SLC22A14: variants seen among roughly 807,000 people sequenced by gnomAD.
SLC22A14 encodes the protein organic cation transporter-like 4.
A neutral mutation model predicts 53.9 loss-of-function variants in SLC22A14; 50 were observed. The observed-to-expected ratio is 0.93, with a 90% CI of 0.74 to 1.17. The LOEUF is 1.17. SLC22A14 is among the 50% of genes most tolerant of loss of function. SLC22A14 has a pLI of 0.00. For synonymous variants in SLC22A14, 312 were observed against 303.0 expected (o/e 1.03, Z -0.31); for missense variants, 671 against 734.7 (o/e 0.91, Z 1.00).
chr3:38,304,744 G>C (rs1704257558), intron 1 of SLC22A14, among the ~76,000 whole-genome samples: 1 of 152,174 alleles, frequency 6.6e-6, no homozygotes, highest in Non-Finnish European at 1.5e-5. Context: ...TTGGTGTCCT[G>C]CAGCTTCATT....
rs1704338768 is a variant in SLC22A14 at position 38,307,444 on chromosome 3, G to C, written c.620+87G>C. On this transcript the variant is annotated intron_variant, in intron 3 of 10. Transcript: ENST00000448498. The surrounding 1 kb of genome is among the most constrained non-coding windows in gnomAD (Gnocchi z 4.4). ...AGGGTTGGAGTGTGTCAGGCTGAGG[G>C]AGGTGAGGGTAGGGGTTCTCCAGGG... 10 of 1,530,642 alleles carry C rather than the reference G, an allele frequency of 6.5e-6. No individual in the cohort carries two copies. The highest frequency in any genetic ancestry group is 9.0e-6 in the Non-Finnish European group (10 of 1,105,406). 94.8% of individuals were successfully genotyped at this position (1,530,642 alleles called of 1,614,324 possible). A position where few individuals can be genotyped will look rare whatever the true frequency, so the allele number is the denominator to read the frequency against.
intron 1 of SLC22A14, among the ~76,000 whole-genome samples, chr3:38,292,232 G>C (rs572177320): frequency 3.2e-4 from 48 of 152,336 alleles, no homozygotes; most frequent in African/African-American, 1.2e-3. Flanking sequence ...CAAATAGATG[G>C]GGGCTATATC....
chr3:38,304,398 C>CT (rs1370705220), intron 1 of SLC22A14, among the ~76,000 whole-genome samples: 2 of 151,794 alleles, frequency 1.3e-5, no homozygotes, highest in African/African-American at 2.4e-5. Context: ...CTTTCATCTT[C>CT]TTTTTTTGAG....
intron 5 of SLC22A14, among the ~76,000 whole-genome samples, 167 bp from the exon 6 acceptor site, chr3:38,312,832 C>T (rs563567420): frequency 3.3e-5 from 5 of 152,130 alleles, no homozygotes; most frequent in Non-Finnish European, 5.9e-5. Context: ...GGCTGACCAC[C>T]AGGGAGGAGC....
At chr3:38,296,763 C>T (rs1704047423) in intron 1 of SLC22A14, among the ~76,000 whole-genome samples, 1 of 152,178 alleles carries the variant, frequency 6.6e-6, no homozygotes, top group African/African-American at 2.4e-5. Context: ...AACCCAGCGA[C>T]TAGTGTTCAG....
At chr3:38,281,300 T>C (rs1304349073), upstream of SLC22A14, among the ~76,000 whole-genome samples, 1 of 152,206 alleles carries the variant, frequency 6.6e-6, no homozygotes, top group East Asian at 1.9e-4. Flanking sequence ...TATATGAAAT[T>C]CTTTTAATTT....
intron 9 of SLC22A14, among the ~76,000 whole-genome samples, chr3:38,316,046 C>T (rs1224649730): frequency 1.3e-5 from 2 of 152,236 alleles, no homozygotes; most frequent in Admixed American, 6.5e-5. Flanking sequence ...TCAGATCCTT[C>T]CCTGAGGTTG....
intron 1 of SLC22A14, among the ~76,000 whole-genome samples, chr3:38,305,016 T>TCAA (rs145382475): frequency 6.6e-6 from 1 of 152,184 alleles, no homozygotes; most frequent in Non-Finnish European, 1.5e-5. Context: ...TGTTTTTATC[T>TCAA]CAACAACAAC....
chr3:38,280,704 A>G (rs1403826406), upstream of SLC22A14, among the ~76,000 whole-genome samples: 1 of 150,430 alleles, frequency 6.6e-6, no homozygotes, highest in African/African-American at 2.5e-5. Flanking sequence ...TTCTCTGCTC[A>G]CCGCAACTTC....
At chr3:38,300,969 C>T (rs1443978388) in intron 1 of SLC22A14, among the ~76,000 whole-genome samples, 1 of 152,106 alleles carries the variant, frequency 6.6e-6, no homozygotes, top group African/African-American at 2.4e-5. Flanking sequence ...TCCACCATGC[C>T]TGGCTAATTT....
intron 4 of SLC22A14, among the ~76,000 whole-genome samples, chr3:38,308,698 G>C (rs1000237301): frequency 6.6e-6 from 1 of 152,256 alleles, no homozygotes. Context: ...CAGGGGATGT[G>C]CAGAGGGAGC....
At chr3:38,314,735 C>A (rs1704574851) in intron 8 of SLC22A14, among the ~76,000 whole-genome samples, 2 of 152,246 alleles carry the variant, frequency 1.3e-5, no homozygotes, top group Non-Finnish European at 2.9e-5. Flanking sequence ...CTCCCAGATG[C>A]TGGCAGTGTA....
At chr3:38,293,163 G>A (rs1029503687) in intron 1 of SLC22A14, among the ~76,000 whole-genome samples, 12 of 152,200 alleles carry the variant, frequency 7.9e-5, no homozygotes, top group African/African-American at 2.4e-4. Flanking sequence ...CATCCCCTGG[G>A]GCAGTGGGCC....
At chr3:38,299,663 A>G (rs1303819330) in intron 1 of SLC22A14, among the ~76,000 whole-genome samples, 2 of 152,222 alleles carry the variant, frequency 1.3e-5, no homozygotes, top group African/African-American at 2.4e-5. Context: ...CCTGGGCTCA[A>G]GTGACTCTCT....
chr3:38,314,688 G>GT lies in SLC22A14; in HGVS notation c.1378+747_1378+748insT, dbSNP rs1260970913. On this transcript the variant is annotated intron_variant, in intron 8 of 10. Coordinates refer to ENST00000448498, the MANE Select transcript of SLC22A14 (RefSeq NM_001320033.2). ...GGAGGGGCTCCCTCCCTTTCTCCAGGGCTGGAATTGTGTGTGTCTGGATTA... is the reference window on the plus strand; with the variant it reads ...GGAGGGGCTCCCTCCCTTTCTCCAGGTGCTGGAATTGTGTGTGTCTGGATTA... 1.1e-4 allele frequency among the ~76,000 whole-genome samples: 17 copies of GT among 152,330 alleles called. No individual in the cohort carries two copies. In the East Asian group the frequency reaches 3.3e-3, roughly 29 times the overall value.
chr3:38,298,118 A>G (rs1283456799), intron 1 of SLC22A14, among the ~76,000 whole-genome samples: 1 of 152,126 alleles, frequency 6.6e-6, no homozygotes, highest in Non-Finnish European at 1.5e-5. Context: ...TACTATCATT[A>G]TTTATTTTAT....
intron 1 of SLC22A14, among the ~76,000 whole-genome samples, chr3:38,302,721 A>G (rs1215725341): frequency 6.6e-6 from 1 of 152,218 alleles, no homozygotes; most frequent in Non-Finnish European, 1.5e-5. Flanking sequence ...TTGATTTACT[A>G]ACATTGTATT....
In SLC22A14 at chr3:38,307,337, C is replaced by T. The variant is rs758708905; in HGVS notation, c.600C>T (p.Ile200=). Residue 200 remains isoleucine, a synonymous_variant, in exon 3 of 11, where the codon ATC becomes ATT. Transcript: ENST00000448498. This position sits in a 1 kb window ranked among gnomAD's most constrained non-coding sequence, Gnocchi z 4.4. ...CAGGGCTCCCGATAGGCTCTCTCATCTTCAGGCTCATAACTGACAAGTGAG... is the reference window on the plus strand; with the variant it reads ...CAGGGCTCCCGATAGGCTCTCTCATTTTCAGGCTCATAACTGACAAGTGAG... ...FMAGLPIGSL[I]FRLITDKMGR... The T allele has an allele frequency of 7.4e-6, 12 of 1,613,556 alleles. No homozygotes were observed. The highest frequency in any genetic ancestry group is 1.0e-5 in the Non-Finnish European group (12 of 1,179,520).
chr3:38,298,234 C>A (rs1410402469), intron 1 of SLC22A14, among the ~76,000 whole-genome samples: 1 of 152,138 alleles, frequency 6.6e-6, no homozygotes, highest in East Asian at 1.9e-4. Context: ...TGCTTTCTGG[C>A]ACCACAAGAT....
Sources: allele counts gnomAD v4.1 joint callset (sites outside exome capture counted in the v4.1 genomes callset), GRCh38; gene constraint gnomAD v4.1.1; non-coding constraint Gnocchi (gnomAD v3.1); transcripts MANE v1.5; gene names NCBI Gene and HGNC (gene_info 2026-07-23, HGNC 2026-07-21).